The following WNK4 variants were observed in gnomAD, a reference collection of about 807,000 sequenced individuals.
WNK4 encodes WNK lysine deficient protein kinase 4, also known as serine/threonine-protein kinase WNK4.
WNK4 carries 94 observed loss-of-function variants against 116.2 expected under a neutral mutation model. The ratio of observed to expected loss-of-function variants is 0.81; its 90% CI spans 0.68 to 0.96. The LOEUF is 0.96. WNK4 is among the 40% of genes least tolerant of loss of function. The probability of loss-of-function intolerance (pLI) is 0.00; values close to 1 mark genes in which losing one functional copy is unlikely to be tolerated. For missense variants in WNK4, 1,542 were observed against 1,650.6 expected, an observed-to-expected ratio of 0.93 and a Z score of 1.14; for synonymous variants, 655 against 672.7, an observed-to-expected ratio of 0.97 and a Z score of 0.41.
rs757549184 is a variant in WNK4, at chr17:42,793,654, T to C, written c.2220T>C (p.Ile740=). Residue 740 remains isoleucine, a synonymous_variant, in exon 12 of 19, where the codon ATT becomes ATC. Transcript: ENST00000246914. ...GATTTCTCAGACGGATTCGGGAGATTATCCAGCGAGTGGAGACCCTGTTGA... is the reference window on the plus strand; with the variant it reads ...GATTTCTCAGACGGATTCGGGAGATCATCCAGCGAGTGGAGACCCTGTTGA... ...RDGFLRRIRE[I]IQRVETLLKR... The C allele has an allele frequency of 2.5e-6, 4 of 1,613,926 alleles. No homozygotes were observed. In the African/African-American group the frequency reaches 5.3e-5, roughly 22 times the overall value.
intron 11 of WNK4, among the ~76,000 whole-genome samples, chr17:42,789,848 T>A (rs2054591759): frequency 6.7e-6 from 1 of 149,116 alleles, no homozygotes; most frequent in Admixed American, 6.7e-5. Flanking sequence ...CTACAAAAAA[T>A]TTAAAAAATT....
intron 11 of WNK4, among the ~76,000 whole-genome samples, chr17:42,789,352 G>A (rs1293429981): frequency 1.3e-5 from 2 of 152,074 alleles, no homozygotes; most frequent in Admixed American, 1.3e-4. Context: ...TTGTAGAATA[G>A]ACAATGTTAA....
chr17:42,794,621 C>G lies in WNK4; in HGVS notation c.2303C>G (p.Pro768Arg), dbSNP rs1276345059. The change falls in exon 13 of 19, where the codon CCA becomes CGA. Residue 768 changes from proline (P) to arginine (R), a missense_variant. Pro to Arg is a moderately radical substitution (Grantham distance 103). Coordinates refer to ENST00000246914, the MANE Select transcript of WNK4 (RefSeq NM_032387.5). The part of the protein sequence containing the change: ...AEDTLSPQEE[P>R]APLPALPVPL... ...CTCCTTTTTCTGCCTCAGGAGGAGC[C>G]AGCACCATTACCTGCCCTGCCCGTC... 6.2e-7 allele frequency: 1 copy of G among 1,613,994 alleles called. No individual in the cohort carries two copies. Among genetic ancestry groups the G allele is most frequent in the Non-Finnish European group, 8.5e-7 (1 of 1,179,976 alleles).
rs1255414065 is a variant in WNK4 at position 42,795,664 on chromosome 17, C to T, written c.3062C>T (p.Ser1021Leu). The T allele has an allele frequency of 1.9e-6, 3 of 1,613,368 alleles. No individual in the cohort carries two copies. The highest frequency in any genetic ancestry group is 2.5e-6 in the Non-Finnish European group (3 of 1,180,040). Residue 1021 changes from serine (S) to leucine (L), a missense_variant, in exon 16 of 19, where the codon TCA (serine) becomes TTA (leucine). Physicochemically the swap from Ser to Leu is moderately radical, Grantham distance 145. Around this residue, in one of 7 missense-constraint regions of WNK4, gnomAD observed 292 missense variants for 290.1 expected, o/e 1.01. Coordinates refer to ENST00000246914, the MANE Select transcript of WNK4 (RefSeq NM_032387.5). ...PQLVGRFQVTSSKEPAEPLPL... is the reference protein window; with the variant it reads ...PQLVGRFQVTLSKEPAEPLPL... ...CTTGTTGGGCGTTTCCAAGTGACTT[C>T]ATCCAAGGAACCGGCTGAGCCTCTT...
rs368949418 is a variant in WNK4, at chr17:42,780,942, G to A, written c.244G>A (p.Asp82Asn). 1 of 1,609,944 alleles carries A rather than the reference G, an allele frequency of 6.2e-7. No homozygotes were observed. The highest frequency in any genetic ancestry group is 8.5e-7 in the Non-Finnish European group (1 of 1,179,766). ...SWSLPASPAPDPPDPPDSAGP... is the reference protein window; with the variant it reads ...SWSLPASPAPNPPDPPDSAGP... ...GTCCCTGCCAGCCTCACCCGCTCCG[G>A]ACCCCCCCGATCCTCCGGACTCCGC... Residue 82 changes from aspartate to asparagine, a missense_variant, in exon 1 of 19, where the codon GAC (aspartate) becomes AAC (asparagine). Around this residue, in one of 7 missense-constraint regions of WNK4, gnomAD observed 243 missense variants for 217.8 expected, o/e 1.12. Coordinates refer to ENST00000246914, the MANE Select transcript of WNK4 (RefSeq NM_032387.5).
rs754823798 is a variant in WNK4 at position 42,785,176 on chromosome 17, AG to A, written c.1251del (p.Asn418ThrfsTer25). 2 of 1,613,884 alleles carry A rather than the reference AG, an allele frequency of 1.2e-6. No homozygotes were observed. Among genetic ancestry groups the A allele is most frequent in the Non-Finnish European group, 1.7e-6 (2 of 1,179,936 alleles). ...EIIEGCIRTD[K>X]NERFTIQDLL... The stretch of plus-strand genomic sequence containing the variant: ...ATTGAAGGCTGCATCCGCACGGATA[AG>A]AACGAGAGGTGGGGGTGAAAGGGCA... On this transcript the variant is annotated frameshift_variant, in exon 5 of 19. Coordinates refer to ENST00000246914, the MANE Select transcript of WNK4 (RefSeq NM_032387.5). LOFTEE classifies it high-confidence loss of function.
rs200160995 is a variant in WNK4 at position 42,781,363 on chromosome 17, A to G, written c.618+47A>G. The G allele has an allele frequency of 4.3e-5, 69 of 1,613,162 alleles. No individual in the cohort carries two copies. The African/African-American group carries it at 8.0e-4, about 19-fold the overall frequency. ...GTGGCACCTTGGGATGGGACTCTGGAGGTCTTAGGATGACAGACAGAGGGT... is the reference window on the plus strand; with the variant it reads ...GTGGCACCTTGGGATGGGACTCTGGGGGTCTTAGGATGACAGACAGAGGGT... On this transcript the variant is annotated intron_variant, in intron 1 of 18. Coordinates refer to ENST00000246914, the MANE Select transcript of WNK4 (RefSeq NM_032387.5).
chr17:42,781,612 C>A (rs1367802330), intron 1 of WNK4, among the ~76,000 whole-genome samples: 1 of 152,116 alleles, frequency 6.6e-6, no homozygotes, highest in Non-Finnish European at 1.5e-5. Flanking sequence ...GGCAGGGGAG[C>A]CAGTTCAGGT....
intron 10 of WNK4, 108 bp downstream of exon 10, chr17:42,788,515 A>G (rs1010204963): frequency 1.7e-5 from 21 of 1,240,856 alleles, no homozygotes; most frequent in African/African-American, 1.3e-4. Flanking sequence ...GTGTATGACT[A>G]GTACTCAAGA....
Position 42,795,311 on chromosome 17 carries a change from C to G in WNK4, c.2890C>G (p.Pro964Ala). The G allele has an allele frequency of 6.2e-7, 1 of 1,614,018 alleles. No homozygotes were observed. The highest frequency in any genetic ancestry group is 1.1e-5 in the South Asian group (1 of 91,080). Reference protein sequence around the residue: ...PAPPSPLPSLPLPPPVAPGGQ... With the variant: ...PAPPSPLPSLALPPPVAPGGQ... ...CCCTCCTAGTCCCCTCCCTAGCCTG[C>G]CCCTTCCCCCTCCCGTTGCTCCTGG... is the stretch of plus-strand genomic sequence containing the variant. The change falls in exon 14 of 19, where the codon CCC (proline) becomes GCC (alanine). Residue 964 changes from proline (P) to alanine (A), a missense_variant. By Grantham distance (27) the Pro-to-Ala change is conservative (BLOSUM62 -1). This residue lies in a region of WNK4 where 292 missense variants were observed against 290.1 expected (regional missense o/e 1.01). Transcript: ENST00000246914.
chr17:42,781,635 G>A (rs1302170105), intron 1 of WNK4, among the ~76,000 whole-genome samples: 1 of 152,118 alleles, frequency 6.6e-6, no homozygotes, highest in African/African-American at 2.4e-5. Context: ...GTTTCCTGCT[G>A]GTGGGTACCC....
chr17:42,789,693 TAAATA>T (rs1278540870), intron 11 of WNK4, among the ~76,000 whole-genome samples: 1 of 144,708 alleles, frequency 6.9e-6, no homozygotes, highest in Non-Finnish European at 1.5e-5. Flanking sequence ...AATAAATAAA[TAAATA>T]AATAAATAAA....
chr17:42,787,967 A>T, intron 8 of WNK4, 68 bp downstream of exon 8: 3 of 1,605,052 alleles, frequency 1.9e-6, no homozygotes, highest in Non-Finnish European at 2.6e-6. Flanking sequence ...TCCTTGTGAA[A>T]CCCAATCTCA....
At position 42,780,664 on chromosome 17, in the gene WNK4, C is replaced by T. The variant is rs2054470827; in HGVS notation, c.-35C>T. The T allele has an allele frequency of 6.2e-7, 1 of 1,601,142 alleles. No homozygotes were observed. Among genetic ancestry groups the T allele is most frequent in the Non-Finnish European group, 8.5e-7 (1 of 1,178,996 alleles). ...GTCAGGCCGCCTCCTCTCCGGCCGT[C>T]TGATTTTCTACCCTTCGGCGCCCTG... On this transcript the variant is annotated 5_prime_UTR_variant, in exon 1 of 19. Coordinates refer to ENST00000246914, the MANE Select transcript of WNK4 (RefSeq NM_032387.5).
Position 42,781,127 on chromosome 17 carries a change from T to C in WNK4, c.429T>C (p.Pro143=), listed in dbSNP as rs1449570484. The change falls in exon 1 of 19, where the codon CCT becomes CCC. Residue 143 remains proline, a synonymous_variant. Transcript: ENST00000246914. ...GGTCCAGGGAGCCGCTAAGGGTCCC[T>C]GAAGCTGTGGCCCTAGAGCGGCGGC... ...GPGSREPLRV[P]EAVALERRRE... is the part of the protein sequence containing the mutation. 7.4e-6 allele frequency: 12 copies of C among 1,614,042 alleles called. No homozygotes were observed. The highest frequency in any genetic ancestry group is 1.0e-5 in the Non-Finnish European group (12 of 1,179,994).
At chr17:42,796,056 A>G (rs1368207327) in intron 16 of WNK4, 23 bp downstream of exon 16, 1 of 1,613,860 alleles carries the variant, frequency 6.2e-7, no homozygotes, top group African/African-American at 1.3e-5. Context: ...AGGATGGAGG[A>G]GTGAGAGGAG....
chr17:42,788,697 AC>A lies in WNK4; in HGVS notation c.2058del (p.Asp686GlufsTer16). ...LRVTSVSDQN[D>X]RVVECQLQTH... ...AATCTGAAGGTCTCAGACCAGAATG[AC>A]AGAGTGGTTGAGTGCCAGCTACAGA... On this transcript the variant is annotated frameshift_variant, in exon 11 of 19. Coordinates refer to ENST00000246914, the MANE Select transcript of WNK4 (RefSeq NM_032387.5). LOFTEE classifies it high-confidence loss of function. 1 of 1,614,020 alleles carries A rather than the reference AC, an allele frequency of 6.2e-7. No homozygotes were observed. The highest frequency in any genetic ancestry group is 8.5e-7 in the Non-Finnish European group (1 of 1,179,938).
chr17:42,785,210 G>C (rs1442894844), intron 5 of WNK4, 25 bp downstream of exon 5: 1 of 1,611,866 alleles, frequency 6.2e-7, no homozygotes, highest in African/African-American at 1.3e-5. Context: ...GCAGAGCGTG[G>C]GTAGAATAGG....
At chr17:42,796,661 T>C in intron 18 of WNK4, 25 bp from the exon 19 acceptor site, 1 of 1,614,200 alleles carries the variant, frequency 6.2e-7, no homozygotes, top group Non-Finnish European at 8.5e-7. Flanking sequence ...GGAGGTTTCT[T>C]CATCACTTTT....
Sources: gnomAD v4.1 joint callset for allele counts (sites outside exome capture counted in the v4.1 genomes callset) on GRCh38, gnomAD v4.1.1 for gene constraint, gnomAD v4.1.1 regional missense constraint, MANE v1.5 for transcripts, NCBI Gene and HGNC (gene_info 2026-07-23, HGNC 2026-07-21) for gene names.